The following KALRN variants were observed in gnomAD, a reference collection of about 807,000 sequenced individuals.
KALRN encodes kalirin RhoGEF kinase, also known as kalirin.
A neutral mutation model predicts 353.7 loss-of-function variants in KALRN; 70 were observed. The ratio of observed to expected loss-of-function variants is 0.20; its 90% CI spans 0.16 to 0.24. KALRN has a LOEUF of 0.24. Ranked by LOEUF, KALRN falls within the 10% of genes least tolerant of loss-of-function variation. KALRN has a pLI of 1.00. For missense variants in KALRN, 2,791 were observed against 3,756.7 expected (o/e 0.74, Z 6.72); for synonymous variants, 1,391 against 1,434.8 (o/e 0.97, Z 0.69).
At chr3:124,218,510 C>T (rs1430265065) in intron 1 of KALRN, among the ~76,000 whole-genome samples, 1 of 152,166 alleles carries the variant, frequency 6.6e-6, no homozygotes, top group African/African-American at 2.4e-5. Flanking sequence ...AGGACCCATC[C>T]AACAGCAGTG....
At chr3:124,122,709 G>A (rs1316277394) in intron 1 of KALRN, among the ~76,000 whole-genome samples, 1 of 152,102 alleles carries the variant, frequency 6.6e-6, no homozygotes, top group African/African-American at 2.4e-5. Flanking sequence ...TGTTCTAACT[G>A]CTCCACCTAC....
intron 13 of KALRN, chr3:124,407,760 A>C (rs1190686918): frequency 7.9e-5 from 12 of 152,230 alleles, no homozygotes; most frequent in African/African-American, 2.9e-4. Flanking sequence ...TGACGCACAA[A>C]TACGTGAAGC....
chr3:124,048,613 C>CT (rs1383092359), intron 1 of KALRN, among the ~76,000 whole-genome samples: 1 of 152,094 alleles, frequency 6.6e-6, no homozygotes, highest in Non-Finnish European at 1.5e-5. Flanking sequence ...TCCCGAGTAG[C>CT]TGGGACTACA....
intron 34 of KALRN, chr3:124,584,836 C>T (rs2074977915): frequency 6.2e-7 from 1 of 1,605,222 alleles, no homozygotes; most frequent in Non-Finnish European, 8.5e-7. Flanking sequence ...AGGGCGGCGA[C>T]AGGGCTTACA....
At chr3:124,224,109 C>A (rs1479950900) in intron 1 of KALRN, among the ~76,000 whole-genome samples, 1 of 151,566 alleles carries the variant, frequency 6.6e-6, no homozygotes. Context: ...GCACAACACC[C>A]ACCACCCACG....
intron 47 of KALRN, among the ~76,000 whole-genome samples, chr3:124,669,069 T>G (rs2086041195): frequency 6.6e-6 from 1 of 152,354 alleles, no homozygotes; most frequent in South Asian, 2.1e-4. Flanking sequence ...TACATGGTTT[T>G]TCACATTTAA....
chr3:124,351,774 C>T (rs565712016), intron 10 of KALRN, among the ~76,000 whole-genome samples: 1 of 152,306 alleles, frequency 6.6e-6, no homozygotes, highest in South Asian at 2.1e-4. Context: ...CTTCATTAAA[C>T]TTTAACTTTT....
intron 11 of KALRN, among the ~76,000 whole-genome samples, chr3:124,385,387 A>G (rs965350936): frequency 6.6e-6 from 1 of 152,200 alleles, no homozygotes; most frequent in African/African-American, 2.4e-5. Flanking sequence ...TCTTCCCACT[A>G]CACACCCAAT....
Position 124,384,941 on chromosome 3 carries a change from C to T in KALRN, c.1867C>T (p.His623Tyr), listed in dbSNP as rs1231883400. ...CGAGGAGATCTACAAGGCAGCTCGA[C>T]ACCTGGAGGTGCGCATCCAAGACTT... The part of the protein sequence containing the change: ...DPEEIYKAAR[H>Y]LEVRIQDFVR... The change falls in exon 11 of 60, where the codon CAC becomes TAC. Residue 623 changes from histidine to tyrosine, a missense_variant. By Grantham distance (83) the His-to-Tyr change is moderately conservative. Transcript: ENST00000682506. 4 of 1,614,116 alleles carry T rather than the reference C, an allele frequency of 2.5e-6. No homozygotes were observed. The highest frequency in any genetic ancestry group is 3.3e-5 in the Admixed American group (2 of 60,018).
At chr3:124,510,278 G>A (rs1193964856) in intron 33 of KALRN, among the ~76,000 whole-genome samples, 1 of 152,158 alleles carries the variant, frequency 6.6e-6, no homozygotes, top group Non-Finnish European at 1.5e-5. Context: ...GATTCGTGTT[G>A]GGAGCAAGGA....
chr3:124,594,904 T>C (rs575333238), intron 34 of KALRN, among the ~76,000 whole-genome samples: 1 of 152,322 alleles, frequency 6.6e-6, no homozygotes, highest in African/African-American at 2.4e-5. Flanking sequence ...GCAGCTGATG[T>C]CACTGAGCAG....
chr3:124,181,192 A>C (rs1467137345), intron 1 of KALRN, among the ~76,000 whole-genome samples: 2 of 152,006 alleles, frequency 1.3e-5, no homozygotes, highest in Non-Finnish European at 2.9e-5. Context: ...CAGAGATTGC[A>C]GTAAGCCAAG....
chr3:124,462,732 C>G (rs2059970669), intron 25 of KALRN, 99 bp downstream of exon 25: 2 of 673,278 alleles, frequency 3.0e-6, no homozygotes, highest in East Asian at 2.8e-5. Flanking sequence ...TGAATCTTAT[C>G]TGGTCAGTTT....
At chr3:124,187,296 G>T (rs2074353628) in intron 1 of KALRN, among the ~76,000 whole-genome samples, 1 of 152,098 alleles carries the variant, frequency 6.6e-6, no homozygotes, top group African/African-American at 2.4e-5. Flanking sequence ...TAGCCAGGCT[G>T]GTCTGGAACT....
chr3:124,605,534 T>C (rs2077243111), intron 34 of KALRN, among the ~76,000 whole-genome samples: 2 of 150,414 alleles, frequency 1.3e-5, no homozygotes, highest in Non-Finnish European at 1.5e-5. Context: ...GATCACGCTA[T>C]TGCACTCCAG....
chr3:124,653,930 CCTT>C (rs1001843907), intron 38 of KALRN, among the ~76,000 whole-genome samples: 1 of 152,206 alleles, frequency 6.6e-6, no homozygotes, highest in Admixed American at 6.5e-5. Flanking sequence ...GTCATGGTCT[CCTT>C]CATTAACCCT....
At chr3:124,628,196 C>T (rs1483538794) in intron 34 of KALRN, among the ~76,000 whole-genome samples, 16 of 46,588 alleles carry the variant, frequency 3.4e-4, no homozygotes, top group African/African-American at 2.5e-3. Flanking sequence ...TTCATTCCCT[C>T]CCTCCCCCCC....
intron 34 of KALRN, among the ~76,000 whole-genome samples, chr3:124,602,702 C>T (rs891225452): frequency 1.3e-5 from 2 of 152,098 alleles, no homozygotes; most frequent in African/African-American, 4.8e-5. Flanking sequence ...AAGAAAATGG[C>T]ACCAGGAAGG....
At chr3:124,138,726 T>A (rs1295703926) in intron 1 of KALRN, among the ~76,000 whole-genome samples, 3 of 152,184 alleles carry the variant, frequency 2.0e-5, no homozygotes, top group Non-Finnish European at 2.9e-5. Context: ...CTAGGGGGCC[T>A]GTATGGCAGA....
Sources: allele counts gnomAD v4.1 joint callset (sites outside exome capture counted in the v4.1 genomes callset), GRCh38; gene constraint gnomAD v4.1.1; transcripts MANE v1.5; gene names NCBI Gene and HGNC (gene_info 2026-07-23, HGNC 2026-07-21).